Variants in SPOCK1 observed in about 807,000 individuals in gnomAD.
The protein encoded by SPOCK1 is SPARC (osteonectin), cwcv and kazal like domains proteoglycan 1, also known as testican-1.
Under a neutral mutation model 55.3 loss-of-function variants are expected in SPOCK1, and 23 were observed. The observed-to-expected ratio is 0.42, with a 90% confidence interval of 0.30 to 0.59. The LOEUF (loss-of-function observed/expected upper bound fraction) is 0.59. SPOCK1 is among the 20% of genes least tolerant of loss of function. SPOCK1 has a pLI of 0.22. For missense variants in SPOCK1, 499 were observed against 552.5 expected (o/e 0.90, Z 0.97); for synonymous variants, 226 against 221.0 (o/e 1.02, Z -0.20).
intron 6 of SPOCK1, among the ~76,000 whole-genome samples, chr5:137,017,881 C>T (rs753864376): frequency 6.6e-6 from 1 of 152,104 alleles, no homozygotes; most frequent in East Asian, 1.9e-4. Context: ...AGCCCCACAC[C>T]GTGGAAGACA....
chr5:137,326,739 A>G (rs1188542408), intron 2 of SPOCK1, among the ~76,000 whole-genome samples: 1 of 152,274 alleles, frequency 6.6e-6, no homozygotes, highest in Non-Finnish European at 1.5e-5. Flanking sequence ...AGGTGGGAAT[A>G]TAATTTGGAG....
chr5:137,421,343 G>A (rs1040838428), intron 2 of SPOCK1, among the ~76,000 whole-genome samples: 1 of 152,098 alleles, frequency 6.6e-6, no homozygotes, highest in Non-Finnish European at 1.5e-5. Context: ...TTCAATTCCT[G>A]GATATCCTTG....
chr5:137,109,446 C>T (rs1344861951), intron 5 of SPOCK1, among the ~76,000 whole-genome samples: 1 of 152,056 alleles, frequency 6.6e-6, no homozygotes, highest in Non-Finnish European at 1.5e-5. Flanking sequence ...TTTTTTGGCT[C>T]CTCTCTTGGT....
chr5:137,253,758 C>T (rs1020648151), intron 3 of SPOCK1, among the ~76,000 whole-genome samples: 9 of 152,140 alleles, frequency 5.9e-5, no homozygotes, highest in African/African-American at 2.2e-4. Flanking sequence ...CAACTCCCAC[C>T]CTCTAATTCT....
At chr5:137,341,041 C>T (rs531751968) in intron 2 of SPOCK1, among the ~76,000 whole-genome samples, 1 of 152,364 alleles carries the variant, frequency 6.6e-6, no homozygotes, top group South Asian at 2.1e-4. Context: ...GGCCTGATCC[C>T]TCTGGCACTC....
intron 3 of SPOCK1, among the ~76,000 whole-genome samples, chr5:137,258,430 C>T (rs765911640): frequency 2.0e-5 from 3 of 152,202 alleles, no homozygotes; most frequent in Non-Finnish European, 2.9e-5. Flanking sequence ...TTGTAGAGGA[C>T]GCAGGTGATG....
chr5:137,410,701 C>T (rs569192000), intron 2 of SPOCK1, among the ~76,000 whole-genome samples: 2 of 152,378 alleles, frequency 1.3e-5, no homozygotes, highest in African/African-American at 4.8e-5. Flanking sequence ...GCAAGATTCA[C>T]ACCTGTGAGC....
chr5:137,055,915 A>G (rs953804515), intron 6 of SPOCK1, among the ~76,000 whole-genome samples: 1 of 152,202 alleles, frequency 6.6e-6, no homozygotes, highest in African/African-American at 2.4e-5. Context: ...AGGGAAGTAC[A>G]TAGACAAGTA....
At chr5:137,333,110 T>TA (rs1323241403) in intron 2 of SPOCK1, among the ~76,000 whole-genome samples, 1 of 152,198 alleles carries the variant, frequency 6.6e-6, no homozygotes, top group Non-Finnish European at 1.5e-5. Flanking sequence ...CTGTGGTTTT[T>TA]ATCACATGCT....
intron 3 of SPOCK1, among the ~76,000 whole-genome samples, chr5:137,266,746 C>CTT (rs11453297): frequency 2.6e-5 from 4 of 151,444 alleles, no homozygotes; most frequent in South Asian, 2.1e-4. Flanking sequence ...TCAAATTTCA[C>CTT]TTTTTTTTTA....
At chr5:137,138,368 A>G (rs1754027713) in intron 4 of SPOCK1, among the ~76,000 whole-genome samples, 1 of 152,196 alleles carries the variant, frequency 6.6e-6, no homozygotes, top group Non-Finnish European at 1.5e-5. Flanking sequence ...CTGAATATCA[A>G]TGAGGCTGCT....
At chr5:137,056,122 G>A (rs1019318881) in intron 6 of SPOCK1, among the ~76,000 whole-genome samples, 3 of 152,194 alleles carry the variant, frequency 2.0e-5, no homozygotes, top group African/African-American at 7.2e-5. Flanking sequence ...GCACTGTCCT[G>A]GGCATGGTAC....
At chr5:137,096,087 T>C (rs917998280) in intron 5 of SPOCK1, among the ~76,000 whole-genome samples, 1 of 152,106 alleles carries the variant, frequency 6.6e-6, no homozygotes, top group African/African-American at 2.4e-5. Context: ...ACAGAAGCAC[T>C]TTGTTTGTAG....
chr5:137,378,731 G>C (rs763966159), intron 2 of SPOCK1, among the ~76,000 whole-genome samples: 2 of 152,228 alleles, frequency 1.3e-5, no homozygotes, highest in Non-Finnish European at 2.9e-5. Context: ...AGGGCTTGGC[G>C]CCTGAGGCAA....
rs560467516 is a variant in SPOCK1 at position 137,000,020 on chromosome 5, T to C, written c.590-7420A>G. Among the ~76,000 whole-genome samples, 9 of 152,210 alleles carry C rather than the reference T, an allele frequency of 5.9e-5. No homozygotes were observed. In the East Asian group the frequency reaches 1.7e-3, roughly 29 times the overall value. ...CCAGCCCCCCTCTCTCAGGCAAACCTCACCAATGCGATCTCAGGGCTCTAG... is the reference window on the plus strand; with the variant it reads ...CCAGCCCCCCTCTCTCAGGCAAACCCCACCAATGCGATCTCAGGGCTCTAG... On this transcript the variant is annotated intron_variant, in intron 6 of 10. Coordinates refer to ENST00000394945, the MANE Select transcript of SPOCK1 (RefSeq NM_004598.4).
intron 6 of SPOCK1, among the ~76,000 whole-genome samples, chr5:137,006,093 T>C (rs1022247060): frequency 3.9e-5 from 6 of 152,240 alleles, no homozygotes; most frequent in African/African-American, 2.4e-5. Context: ...TAACATGCTG[T>C]TTTGGTTACT....
intron 3 of SPOCK1, among the ~76,000 whole-genome samples, chr5:137,266,679 G>C (rs893489043): frequency 6.6e-6 from 1 of 152,124 alleles, no homozygotes; most frequent in Non-Finnish European, 1.5e-5. Flanking sequence ...GGCATAGTCT[G>C]TTCCATGAAT....
intron 2 of SPOCK1, among the ~76,000 whole-genome samples, chr5:137,335,482 T>C (rs1750241609): frequency 6.6e-6 from 1 of 152,246 alleles, no homozygotes; most frequent in Non-Finnish European, 1.5e-5. Flanking sequence ...CTTGCTTTCA[T>C]CATCAAAAAT....
chr5:137,055,403 A>C (rs1752282617), intron 6 of SPOCK1, among the ~76,000 whole-genome samples: 2 of 152,212 alleles, frequency 1.3e-5, no homozygotes, highest in African/African-American at 2.4e-5. Context: ...TTAAGCTTTA[A>C]ATTTTAAATA....
Sources: allele counts gnomAD v4.1 joint callset (sites outside exome capture counted in the v4.1 genomes callset), GRCh38; gene constraint gnomAD v4.1.1; transcripts MANE v1.5; gene names NCBI Gene and HGNC (gene_info 2026-07-23, HGNC 2026-07-21).